NTM: variants seen among roughly 807,000 people sequenced by gnomAD.
NTM encodes the protein neurotrimin.
NTM carries 13 observed loss-of-function variants against 42.1 expected under a neutral mutation model. The ratio of observed to expected loss-of-function variants is 0.31; its 90% confidence interval spans 0.20 to 0.49. The LOEUF is 0.49. Ranked by LOEUF, NTM falls within the 20% of genes least tolerant of loss-of-function variation. NTM has a pLI of 0.99. For synonymous variants in NTM, 187 were observed against 179.2 expected (o/e 1.04, Z -0.35); for missense variants, 373 against 452.8 (o/e 0.82, Z 1.60).
At chr11:132,151,606 G>A (rs2071925692) in intron 3 of NTM, among the ~76,000 whole-genome samples, 1 of 152,200 alleles carries the variant, frequency 6.6e-6, no homozygotes, top group Admixed American at 6.5e-5. Flanking sequence ...TGTCACTGGA[G>A]TATCTAATCA....
At chr11:132,164,384 C>T (rs1196075828) in intron 3 of NTM, among the ~76,000 whole-genome samples, 1 of 152,136 alleles carries the variant, frequency 6.6e-6, no homozygotes, top group Admixed American at 6.5e-5. Flanking sequence ...TGGAAAGGAC[C>T]ATCCATTAGA....
chr11:131,825,870 A>G (rs889996009), intron 1 of NTM, among the ~76,000 whole-genome samples: 2 of 152,232 alleles, frequency 1.3e-5, no homozygotes, highest in Non-Finnish European at 2.9e-5. Context: ...AAGAGTTTAT[A>G]GTACCATTTA....
intron 1 of NTM, among the ~76,000 whole-genome samples, chr11:131,758,743 C>T (rs2083682321): frequency 1.3e-5 from 2 of 152,050 alleles, no homozygotes; most frequent in African/African-American, 4.8e-5. Context: ...CAGGCACACA[C>T]CACCGTCCCA....
intron 1 of NTM, among the ~76,000 whole-genome samples, chr11:131,614,966 C>T (rs564976589): frequency 7.2e-5 from 11 of 152,324 alleles, no homozygotes; most frequent in Middle Eastern, 3.4e-3. Context: ...ATTCTGCCCT[C>T]GCCTCCTCCC....
chr11:132,142,030 C>G (rs1293376469), intron 2 of NTM, among the ~76,000 whole-genome samples: 2 of 152,194 alleles, frequency 1.3e-5, no homozygotes, highest in African/African-American at 2.4e-5. Flanking sequence ...CCAGAATCCT[C>G]AAGGGAACCT....
At chr11:131,549,524 G>C (rs1243497689) in intron 1 of NTM, among the ~76,000 whole-genome samples, 2 of 152,114 alleles carry the variant, frequency 1.3e-5, no homozygotes, top group African/African-American at 4.8e-5. Context: ...ATCCCACAAT[G>C]ACACCATGGA....
rs115997185 is a variant in NTM, at chr11:131,512,274, G to C, written c.82+141386G>C. Among the ~76,000 whole-genome samples the C allele has an allele frequency of 5.3e-3, 803 of 152,292 alleles. 7 individuals carry two copies. Among genetic ancestry groups the C allele is most frequent in the African/African-American group, 0.019 (782 of 41,570 alleles). On this transcript the variant is annotated intron_variant, in intron 1 of 8. Transcript: ENST00000683400. ...AAATCATTTTTGAGTTGGTTCTTTT[G>C]TCTCTCATTTGTTCACTTTCTGAAT...
intron 2 of NTM, among the ~76,000 whole-genome samples, chr11:131,955,028 G>T (rs992319867): frequency 1.3e-5 from 2 of 152,118 alleles, no homozygotes; most frequent in Admixed American, 6.5e-5. Context: ...CATCCTCATT[G>T]TCTTTATTCA....
In NTM at chr11:131,833,998, G is replaced by T. The variant is rs909058565; in HGVS notation, c.83-77566G>T. Among the ~76,000 whole-genome samples the T allele has an allele frequency of 5.3e-5, 8 of 152,254 alleles. No homozygotes were observed. In the South Asian group the frequency reaches 1.5e-3, roughly 28 times the overall value. The stretch of plus-strand genomic sequence containing the variant: ...CCACTCAGGACTCATCTAAGTTCTG[G>T]AAAGCTTACATAGCCTCATGGCATG... On this transcript the variant is annotated intron_variant, in intron 1 of 8. Transcript: ENST00000683400.
chr11:131,635,344 G>A (rs887837812), intron 1 of NTM, among the ~76,000 whole-genome samples: 7 of 152,156 alleles, frequency 4.6e-5, no homozygotes, highest in African/African-American at 1.7e-4. Flanking sequence ...ACGTGGAGGA[G>A]GCAGACAGTG....
intron 1 of NTM, among the ~76,000 whole-genome samples, chr11:131,510,284 C>G (rs1338623727): frequency 6.6e-6 from 1 of 152,218 alleles, no homozygotes. Context: ...ACTCATCACC[C>G]TGGCTCCCTG....
chr11:132,190,944 G>GT (rs60444346), intron 3 of NTM, among the ~76,000 whole-genome samples: 21,944 of 150,466 alleles, frequency 0.15, 1,936 homozygotes, highest in East Asian at 0.27. Flanking sequence ...GATATTATTT[G>GT]TTTTTTTTTG....
At chr11:131,453,156 G>A (rs1191411514) in intron 1 of NTM, among the ~76,000 whole-genome samples, 1 of 152,130 alleles carries the variant, frequency 6.6e-6, no homozygotes, top group African/African-American at 2.4e-5. Context: ...TTGAGGACAG[G>A]GATTCAGATC....
chr11:132,165,993 G>A (rs192567309), intron 3 of NTM, among the ~76,000 whole-genome samples: 64 of 152,196 alleles, frequency 4.2e-4, no homozygotes, highest in Admixed American at 1.1e-3. Context: ...CAGCCCCTGA[G>A]CTATTTAGTA....
At chr11:131,577,586 A>G (rs967440218) in intron 1 of NTM, among the ~76,000 whole-genome samples, 7 of 152,252 alleles carry the variant, frequency 4.6e-5, no homozygotes, top group African/African-American at 1.7e-4. Flanking sequence ...GGACATTATT[A>G]TAATATATAA....
At chr11:132,126,408 C>G (rs950854019) in intron 2 of NTM, among the ~76,000 whole-genome samples, 2 of 152,068 alleles carry the variant, frequency 1.3e-5, no homozygotes, top group African/African-American at 4.8e-5. Flanking sequence ...TCACCCCCTT[C>G]TTTTCTGTGA....
At chr11:131,432,066 G>C (rs1948701526) in intron 1 of NTM, among the ~76,000 whole-genome samples, 1 of 152,204 alleles carries the variant, frequency 6.6e-6, no homozygotes, top group Admixed American at 6.5e-5. Context: ...AAAATGGAGG[G>C]AAGATTTAGC....
chr11:131,606,690 G>C (rs573225078), intron 1 of NTM, among the ~76,000 whole-genome samples: 3 of 152,264 alleles, frequency 2.0e-5, no homozygotes, highest in African/African-American at 7.2e-5. Flanking sequence ...CTGACATCAG[G>C]ATATGTTGTG....
intron 2 of NTM, among the ~76,000 whole-genome samples, chr11:131,945,381 A>G (rs2060235972): frequency 6.6e-6 from 1 of 152,116 alleles, no homozygotes; most frequent in Admixed American, 6.5e-5. Flanking sequence ...GTCAACCTGG[A>G]ACCCTTTATC....
Sources: allele counts gnomAD v4.1 joint callset (sites outside exome capture counted in the v4.1 genomes callset), GRCh38; gene constraint gnomAD v4.1.1; transcripts MANE v1.5; gene names NCBI Gene and HGNC (gene_info 2026-07-23, HGNC 2026-07-21).